The following EFCAB6 variants were observed in gnomAD, a reference collection of about 807,000 sequenced individuals.
EFCAB6 encodes EF-hand calcium binding domain 6.
In EFCAB6, 156 loss-of-function variants were observed where a neutral mutation model predicts 169.8. That is an observed-to-expected ratio of 0.92 (90% CI 0.81 to 1.05). The LOEUF is 1.05. Among genes scored for constraint, EFCAB6 ranks in the 50% least tolerant of loss-of-function variants. The probability of loss-of-function intolerance (pLI) is 0.00; values close to 1 mark genes in which losing one functional copy is unlikely to be tolerated. For synonymous variants in EFCAB6, 698 were observed against 676.4 expected, an observed-to-expected ratio of 1.03 and a Z score of -0.50; for missense variants, 1,800 against 1,829.1, an observed-to-expected ratio of 0.98 and a Z score of 0.29.
intron 10 of EFCAB6, among the ~76,000 whole-genome samples, chr22:43,710,240 G>A (rs1159608277): frequency 6.6e-6 from 1 of 152,200 alleles, no homozygotes; most frequent in Non-Finnish European, 1.5e-5. Context: ...GGCAAGGGAT[G>A]TACAAGAACA....
At chr22:43,683,662 A>AT (rs1204661338) in intron 12 of EFCAB6, 85 bp downstream of exon 12, 3 of 958,960 alleles carry the variant, frequency 3.1e-6, no homozygotes, top group Non-Finnish European at 3.4e-6. Context: ...ATGAACGAAT[A>AT]TGGAGTTGTT....
chr22:43,781,519 AGGTCTTACTATGTTGCCCAGCTT>A (rs2061822951), intron 3 of EFCAB6, among the ~76,000 whole-genome samples: 1 of 152,066 alleles, frequency 6.6e-6, no homozygotes, highest in Non-Finnish European at 1.5e-5. Flanking sequence ...TGTAGAGACA[AGGTCTTACTATGTTGCCCAGCTT>A]GGTCTGGAAC....
At chr22:43,610,843 C>G (rs924087371) in intron 21 of EFCAB6, among the ~76,000 whole-genome samples, 1 of 152,090 alleles carries the variant, frequency 6.6e-6, no homozygotes, top group Non-Finnish European at 1.5e-5. Context: ...GTCCCAACAA[C>G]AAGTAAAAAT....
intron 17 of EFCAB6, among the ~76,000 whole-genome samples, chr22:43,654,619 T>C (rs1276439991): frequency 1.3e-5 from 2 of 152,192 alleles, no homozygotes; most frequent in Non-Finnish European, 1.5e-5. Context: ...TCCTCAGAAC[T>C]GTCAAGGCCA....
chr22:43,557,666 T>G (rs2048788193), intron 26 of EFCAB6, among the ~76,000 whole-genome samples: 1 of 152,164 alleles, frequency 6.6e-6, no homozygotes, highest in South Asian at 2.1e-4. Context: ...CATATTCCAA[T>G]TATTGTATAT....
In EFCAB6 at chr22:43,774,837, G is replaced by T. The variant is rs182137171; in HGVS notation, c.140-1734C>A. Among the ~76,000 whole-genome samples, 11 of 151,918 alleles carry T rather than the reference G, an allele frequency of 7.2e-5. No individual in the cohort carries two copies. The East Asian group carries it at 2.2e-3, about 30-fold the overall frequency. On this transcript the variant is annotated intron_variant, in intron 3 of 31. Transcript: ENST00000262726. ...GAGCTGCATCGGCCAAGAGATGACG[G>T]GAAAAGTCAGCAGGGCCTGTCCTTG...
In EFCAB6 at chr22:43,755,768, T is replaced by A. The variant is rs1168657055; in HGVS notation, c.505A>T (p.Lys169Ter). 6.2e-7 allele frequency: 1 copy of A among 1,606,830 alleles called. No homozygotes were observed. Among genetic ancestry groups the A allele is most frequent in the Admixed American group, 1.7e-5 (1 of 58,568 alleles). The change falls in exon 6 of 32, where the codon AAG becomes TAG. Residue 169 changes from lysine to a stop codon, truncating the protein, a stop_gained and splice_region_variant. Coordinates refer to ENST00000262726, the MANE Select transcript of EFCAB6 (RefSeq NM_022785.4). LOFTEE classifies it high-confidence loss of function. ...LRELEIQVGE[K>*]VFKNIKTVMK... The stretch of plus-strand genomic sequence containing the variant: ...CATTTCTTTAAAATCTCTATTACCT[T>A]TTCTCCCACTTGGATTTCAAGTTCT...
Position 43,626,501 on chromosome 22 carries a change from T to G in EFCAB6, c.2411A>C (p.Asn804Thr). The G allele has an allele frequency of 1.2e-6, 2 of 1,614,150 alleles. No individual in the cohort carries two copies. Among genetic ancestry groups the G allele is most frequent in the Non-Finnish European group, 1.7e-6 (2 of 1,180,034 alleles). ...TCTCCATGGTCTCTTCTCACACAAA[T>G]TTTGAAATTCCCGAAAATTTAAAGT... ...SVTLNFREFQNLCEKRPWRTD... is the reference protein window; with the variant it reads ...SVTLNFREFQTLCEKRPWRTD... Residue 804 changes from asparagine (N) to threonine (T), a missense_variant, in exon 20 of 32, where the codon AAT (asparagine) becomes ACT (threonine). By Grantham distance (65) the Asn-to-Thr change is moderately conservative (BLOSUM62 0). Transcript: ENST00000262726.
At chr22:43,590,305 T>G (rs1222054371) in intron 23 of EFCAB6, 76 bp from the exon 24 acceptor site, 2 of 1,517,594 alleles carry the variant, frequency 1.3e-6, no homozygotes, top group East Asian at 4.6e-5. Context: ...CACTGCATGA[T>G]TATTCTAATG....
rs373600431 is a variant in EFCAB6, at chr22:43,773,118, C to A, written c.140-15G>T. 6.2e-7 allele frequency: 1 copy of A among 1,612,794 alleles called. No individual in the cohort carries two copies. Among genetic ancestry groups the A allele is most frequent in the African/African-American group, 1.3e-5 (1 of 74,856 alleles). On this transcript the variant is annotated splice_polypyrimidine_tract_variant and intron_variant, in intron 3 of 31. Coordinates refer to ENST00000262726, the MANE Select transcript of EFCAB6 (RefSeq NM_022785.4). ...AACAGCTGTGGCTATAAAAGAGATA[C>A]AGCTATTTATTAAACATGTTTAAAG...
chr22:43,606,807 G>A (rs1442923345), intron 22 of EFCAB6, among the ~76,000 whole-genome samples: 1 of 152,232 alleles, frequency 6.6e-6, no homozygotes, highest in Non-Finnish European at 1.5e-5. Context: ...TTAGCCACAA[G>A]CCAACAGTGA....
chr22:43,588,543 G>C (rs1271444664), intron 24 of EFCAB6, among the ~76,000 whole-genome samples: 1 of 151,908 alleles, frequency 6.6e-6, no homozygotes, highest in East Asian at 1.9e-4. Flanking sequence ...TAGAAAAAGA[G>C]AAAGAAGAAA....
chr22:43,665,840 T>C (rs1447471728), intron 17 of EFCAB6, among the ~76,000 whole-genome samples: 1 of 152,202 alleles, frequency 6.6e-6, no homozygotes, highest in Non-Finnish European at 1.5e-5. Flanking sequence ...CAGGCTGGAG[T>C]GCAGTGGCAC....
intron 6 of EFCAB6, among the ~76,000 whole-genome samples, chr22:43,755,342 C>T (rs901199289): frequency 2.0e-5 from 3 of 152,214 alleles, no homozygotes. Context: ...GGCTAAATTA[C>T]TCAATACTTA....
At chr22:43,745,090 A>G (rs1460768960) in intron 6 of EFCAB6, among the ~76,000 whole-genome samples, 1 of 152,240 alleles carries the variant, frequency 6.6e-6, no homozygotes, top group African/African-American at 2.4e-5. Flanking sequence ...AAACTGCTTC[A>G]TATTTGTACC....
intron 6 of EFCAB6, among the ~76,000 whole-genome samples, chr22:43,752,491 G>A (rs556040439): frequency 6.6e-6 from 1 of 152,254 alleles, no homozygotes; most frequent in East Asian, 1.9e-4. Flanking sequence ...GGGTGGCCAT[G>A]TGCTTCATAG....
chr22:43,720,936 A>C (rs1158897253), intron 8 of EFCAB6, among the ~76,000 whole-genome samples: 1 of 152,192 alleles, frequency 6.6e-6, no homozygotes, highest in African/African-American at 2.4e-5. Context: ...AAGTCAAACT[A>C]TCTCTCTTTG....
chr22:43,537,409 C>T lies in EFCAB6; in HGVS notation c.4016G>A (p.Arg1339Lys). ...ATCGGAGGCGTTGATGTCCCCCTGT[C>T]TGGCCACGTCCTTCTCCTTGCATTC... ...LKECKEKDVA[R>K]QGDINASDFL... The change falls in exon 29 of 32, where the codon AGA (arginine) becomes AAA (lysine). Residue 1339 changes from arginine (R) to lysine (K), a missense_variant. Arg to Lys is a conservative substitution (Grantham distance 26). Coordinates refer to ENST00000262726, the MANE Select transcript of EFCAB6 (RefSeq NM_022785.4). The surrounding 1 kb of genome is among the most constrained non-coding windows in gnomAD (Gnocchi z 4.3). 1 of 1,614,184 alleles carries T rather than the reference C, an allele frequency of 6.2e-7. No individual in the cohort carries two copies. The highest frequency in any genetic ancestry group is 8.5e-7 in the Non-Finnish European group (1 of 1,180,034).
At chr22:43,701,156 C>A (rs1226988440) in intron 10 of EFCAB6, among the ~76,000 whole-genome samples, 4 of 152,148 alleles carry the variant, frequency 2.6e-5, no homozygotes, top group Non-Finnish European at 4.4e-5. Flanking sequence ...TCTGACTCCA[C>A]CACTTTCTCC....
Sources: allele counts gnomAD v4.1 joint callset (sites outside exome capture counted in the v4.1 genomes callset), GRCh38; gene constraint gnomAD v4.1.1; non-coding constraint Gnocchi (gnomAD v3.1); transcripts MANE v1.5; gene names NCBI Gene and HGNC (gene_info 2026-07-23, HGNC 2026-07-21).